The following MAP2K4 variants were observed in gnomAD, a reference collection of about 807,000 sequenced individuals.
MAP2K4 encodes the protein mitogen-activated protein kinase kinase 4.
In MAP2K4, 4 loss-of-function variants were observed where a neutral mutation model predicts 48.5. That is an observed-to-expected ratio of 0.08 (90% CI 0.04 to 0.19). The LOEUF is 0.19. Ranked by LOEUF, MAP2K4 falls within the 10% of genes least tolerant of loss-of-function variation. The pLI is 1.00. For synonymous variants in MAP2K4, 166 were observed against 173.1 expected (o/e 0.96, Z 0.32); for missense variants, 258 against 493.3 (o/e 0.52, Z 4.52).
chr17:12,113,090 G>T, intron 6 of MAP2K4, 143 bp from the exon 7 acceptor site: 1 of 567,530 alleles, frequency 1.8e-6, no homozygotes, highest in East Asian at 2.8e-5. Context: ...GATAAATGAA[G>T]ATGTTTTACT....
intron 9 of MAP2K4, among the ~76,000 whole-genome samples, chr17:12,137,069 A>G (rs764699882): frequency 1.3e-4 from 20 of 152,236 alleles, no homozygotes; most frequent in Non-Finnish European, 2.4e-4. Context: ...TGAAAGGTCC[A>G]TTACAGGACC....
intron 2 of MAP2K4, among the ~76,000 whole-genome samples, chr17:12,080,406 T>TGA (rs1427020591): frequency 6.6e-6 from 1 of 152,174 alleles, no homozygotes; most frequent in Non-Finnish European, 1.5e-5. Context: ...GGTGTGTGTG[T>TGA]GAGAGAGAGC....
chr17:12,102,381 C>CT (rs539117907), intron 4 of MAP2K4, among the ~76,000 whole-genome samples: 186 of 152,170 alleles, frequency 1.2e-3, no homozygotes, highest in Non-Finnish European at 2.0e-3. Context: ...GATGTTTTAT[C>CT]TTTTTTATCT....
intron 8 of MAP2K4, among the ~76,000 whole-genome samples, chr17:12,125,681 T>A (rs949526255): frequency 1.1e-4 from 17 of 152,186 alleles, no homozygotes; most frequent in African/African-American, 3.9e-4. Context: ...CAAGCCAGCT[T>A]ACCTGCAGTC....
chr17:12,029,224 A>G (rs1969353916), intron 1 of MAP2K4, among the ~76,000 whole-genome samples: 1 of 152,150 alleles, frequency 6.6e-6, no homozygotes, highest in Non-Finnish European at 1.5e-5. Flanking sequence ...ACGTAGAGAG[A>G]AAAAGGAGGA....
At chr17:12,117,166 T>C (rs1043113634) in intron 7 of MAP2K4, among the ~76,000 whole-genome samples, 1 of 152,150 alleles carries the variant, frequency 6.6e-6, no homozygotes, top group African/African-American at 2.4e-5. Context: ...CTTCAGTGCA[T>C]ATCTCCCAAG....
chr17:12,093,004 C>G (rs1335641700), intron 3 of MAP2K4, among the ~76,000 whole-genome samples: 1 of 151,934 alleles, frequency 6.6e-6, no homozygotes, highest in Non-Finnish European at 1.5e-5. Flanking sequence ...CCGGCCTGGG[C>G]GAAAGAGCAA....
intron 1 of MAP2K4, among the ~76,000 whole-genome samples, chr17:12,032,640 A>G (rs193210925): frequency 6.9e-4 from 105 of 152,292 alleles, no homozygotes; most frequent in African/African-American, 2.4e-3. Context: ...CGTGGTGCAG[A>G]AAGTATAGAG....
Position 12,107,785 on chromosome 17 carries a change from T to C in MAP2K4, c.514-5T>C. On this transcript the variant is annotated splice_polypyrimidine_tract_variant and splice_region_variant and intron_variant, in intron 4 of 10. Coordinates refer to ENST00000353533, the MANE Select transcript of MAP2K4 (RefSeq NM_003010.4). ...TAAGAATAACAGATATTTGTTATTT[T>C]ATAGGGTGACTGTTGGATCTGTATG... 2 of 1,574,152 alleles carry C rather than the reference T, an allele frequency of 1.3e-6. No homozygotes were observed. Among genetic ancestry groups the C allele is most frequent in the Non-Finnish European group, 1.7e-6 (2 of 1,165,154 alleles).
intron 1 of MAP2K4, among the ~76,000 whole-genome samples, chr17:12,048,581 A>T (rs1436502588): frequency 6.6e-6 from 1 of 152,180 alleles, no homozygotes; most frequent in Non-Finnish European, 1.5e-5. Context: ...AGCTGATAGC[A>T]GCTCACTTAA....
chr17:12,024,835 A>C (rs943553005), intron 1 of MAP2K4, among the ~76,000 whole-genome samples: 6 of 152,208 alleles, frequency 3.9e-5, no homozygotes, highest in South Asian at 2.1e-4. Flanking sequence ...CTTCCTAGCC[A>C]TGGCTAGGGC....
rs1379283563 is a variant in MAP2K4 at position 12,081,721 on chromosome 17, A to G, written c.393+191A>G. On this transcript the variant is annotated intron_variant, in intron 3 of 10. Coordinates refer to ENST00000353533, the MANE Select transcript of MAP2K4 (RefSeq NM_003010.4). The surrounding 1 kb of genome is among the most constrained non-coding windows in gnomAD (Gnocchi z 4.2). ...GTGGCACATTTTCTATCTCTTTGGAAACATGAGTGTATGAAGTGTGCATGT... is the reference window on the plus strand; with the variant it reads ...GTGGCACATTTTCTATCTCTTTGGAGACATGAGTGTATGAAGTGTGCATGT... Among the ~76,000 whole-genome samples the G allele has an allele frequency of 2.6e-5, 4 of 152,188 alleles. No homozygotes were observed. The highest frequency in any genetic ancestry group is 5.9e-5 in the Non-Finnish European group (4 of 68,050).
intron 1 of MAP2K4, among the ~76,000 whole-genome samples, chr17:12,040,005 G>C (rs945147797): frequency 1.3e-5 from 2 of 152,082 alleles, no homozygotes; most frequent in African/African-American, 4.8e-5. Flanking sequence ...CTTCATAGAC[G>C]GTGTTGTGTG....
At position 12,142,438 on chromosome 17, in the gene MAP2K4, CAAAA is replaced by C. The variant is rs1171349870; in HGVS notation, c.*1181_*1184del. On this transcript the variant is annotated 3_prime_UTR_variant, in exon 11 of 11. Transcript: ENST00000353533. ...CCAATATTTTGCCTTTTTTCTATATCAAAAAACCTTTACAGTTAGCAGGGATGTT... is the reference window on the plus strand; with the variant it reads ...CCAATATTTTGCCTTTTTTCTATATCAACCTTTACAGTTAGCAGGGATGTT... The C allele has an allele frequency of 8.6e-6, 2 of 232,858 alleles. No individual in the cohort carries two copies. The highest frequency in any genetic ancestry group is 1.7e-5 in the Non-Finnish European group (2 of 117,904). The allele number at this position is 232,858 out of a possible 1,614,324, so 14.4% of individuals were successfully genotyped here. A position where few individuals can be genotyped will look rare whatever the true frequency, so the allele number is the denominator to read the frequency against.
intron 4 of MAP2K4, among the ~76,000 whole-genome samples, chr17:12,102,221 A>C (rs535024240): frequency 5.9e-5 from 9 of 152,022 alleles, no homozygotes; most frequent in Admixed American, 1.3e-4. Flanking sequence ...TCAGGAATGG[A>C]TGTTAGATTT....
intron 8 of MAP2K4, 66 bp downstream of exon 8, chr17:12,125,437 A>T: frequency 7.6e-7 from 1 of 1,317,860 alleles, no homozygotes; most frequent in Non-Finnish European, 1.1e-6. Flanking sequence ...AGTGAAAGAA[A>T]ACTTAATCAG....
At chr17:12,118,319 G>A (rs996623925) in intron 7 of MAP2K4, among the ~76,000 whole-genome samples, 4 of 152,270 alleles carry the variant, frequency 2.6e-5, no homozygotes, top group Non-Finnish European at 4.4e-5. Context: ...CAGAAAAACT[G>A]TGACGGGATG....
At chr17:12,116,199 A>G (rs1262205666) in intron 7 of MAP2K4, among the ~76,000 whole-genome samples, 1 of 152,216 alleles carries the variant, frequency 6.6e-6, no homozygotes, top group Non-Finnish European at 1.5e-5. Context: ...CTAATTTTCC[A>G]TACTTTATAC....
At chr17:12,085,105 C>T (rs977366098) in intron 3 of MAP2K4, among the ~76,000 whole-genome samples, 2 of 152,138 alleles carry the variant, frequency 1.3e-5, no homozygotes, top group Non-Finnish European at 2.9e-5. Flanking sequence ...TTCTAGCAGA[C>T]TCATGTCCAG....
Sources: gnomAD v4.1 joint callset for allele counts (sites outside exome capture counted in the v4.1 genomes callset) on GRCh38, gnomAD v4.1.1 for gene constraint, Gnocchi (gnomAD v3.1) non-coding constraint, MANE v1.5 for transcripts, NCBI Gene and HGNC (gene_info 2026-07-23, HGNC 2026-07-21) for gene names.